The following CSMD1 variants were observed in gnomAD, a reference collection of about 807,000 sequenced individuals.
CSMD1 encodes CUB and sushi domain-containing protein 1.
CSMD1 carries 213 observed loss-of-function variants against 417.5 expected under a neutral mutation model. The observed-to-expected ratio is 0.51, with a 90% CI of 0.46 to 0.57. The LOEUF is 0.57. Among genes scored for constraint, CSMD1 ranks in the 20% least tolerant of loss-of-function variants. CSMD1 has a pLI of 0.00. For synonymous variants in CSMD1, 2,862 were observed against 1,736.8 expected, an observed-to-expected ratio of 1.65 and a Z score of -16.11; for missense variants, 6,923 against 4,529.7, an observed-to-expected ratio of 1.53 and a Z score of -15.17.
intron 6 of CSMD1, among the ~76,000 whole-genome samples, chr8:3,722,900 G>A (rs577423990): frequency 6.8e-4 from 78 of 114,218 alleles, no homozygotes; most frequent in Middle Eastern, 9.8e-3. Context: ...TTACTTGAGA[G>A]ACTAGCAAAC....
intron 7 of CSMD1, among the ~76,000 whole-genome samples, chr8:3,656,477 C>T (rs1400686051): frequency 2.0e-5 from 3 of 152,146 alleles, no homozygotes; most frequent in African/African-American, 7.2e-5. Flanking sequence ...CAGAAATCTG[C>T]ATCTGAAGCA....
intron 2 of CSMD1, among the ~76,000 whole-genome samples, chr8:4,429,098 T>G (rs1797725455): frequency 6.6e-6 from 1 of 151,888 alleles, no homozygotes; most frequent in Admixed American, 6.6e-5. Flanking sequence ...CATCATAAAA[T>G]GATTACTACT....
chr8:3,736,221 G>C (rs1006498551), intron 6 of CSMD1, among the ~76,000 whole-genome samples: 2 of 151,798 alleles, frequency 1.3e-5, no homozygotes, highest in Non-Finnish European at 2.9e-5. Context: ...CTCAACATTT[G>C]TGTGTGTGTG....
At chr8:3,299,613 CAA>C (rs1335938922) in intron 25 of CSMD1, among the ~76,000 whole-genome samples, 1 of 152,020 alleles carries the variant, frequency 6.6e-6, no homozygotes, top group African/African-American at 2.4e-5. Context: ...TTCTGCCTCA[CAA>C]AGTGTGGGAA....
At chr8:4,327,685 T>C (rs899985737) in intron 3 of CSMD1, among the ~76,000 whole-genome samples, 6 of 152,206 alleles carry the variant, frequency 3.9e-5, no homozygotes, top group African/African-American at 1.4e-4. Flanking sequence ...AGAATGTATT[T>C]TGTTTACACA....
At chr8:4,852,689 A>T (rs1801547640) in intron 1 of CSMD1, among the ~76,000 whole-genome samples, 1 of 152,200 alleles carries the variant, frequency 6.6e-6, no homozygotes. Flanking sequence ...TCAAAAGACG[A>T]CAGGAAGATG....
In CSMD1 at chr8:3,181,144, A is replaced by G; in HGVS notation, c.5691T>C (p.Ser1897=). 6.2e-7 allele frequency: 1 copy of G among 1,613,892 alleles called. No individual in the cohort carries two copies. The highest frequency in any genetic ancestry group is 8.5e-7 in the Non-Finnish European group (1 of 1,179,826). Residue 1897 remains serine, a synonymous_variant, in exon 37 of 70, where the codon AGT becomes AGC. Transcript: ENST00000635120. ...QLYLHFQSDI[S]VAAAGFHLEY... The stretch of plus-strand genomic sequence containing the variant: ...CCAGGTGGAAACCAGCAGCTGCCAC[A>G]CTAATGTCAGACTGGAAATGCAGGT...
intron 3 of CSMD1, among the ~76,000 whole-genome samples, chr8:4,322,171 G>A (rs1037276152): frequency 2.0e-5 from 3 of 152,030 alleles, no homozygotes; most frequent in South Asian, 2.1e-4. Flanking sequence ...ATTGCTAAAA[G>A]TTTCCTATTT....
At chr8:3,619,181 C>G (rs925092308) in intron 7 of CSMD1, among the ~76,000 whole-genome samples, 1 of 151,974 alleles carries the variant, frequency 6.6e-6, no homozygotes, top group Admixed American at 6.6e-5. Flanking sequence ...TTAAAAGCAG[C>G]TGGGGAAAAA....
At chr8:4,793,162 A>G (rs530486396) in intron 1 of CSMD1, among the ~76,000 whole-genome samples, 24 of 152,222 alleles carry the variant, frequency 1.6e-4, no homozygotes, top group African/African-American at 5.5e-4. Context: ...TTTAACCTTC[A>G]ATGTCCTTGA....
chr8:3,867,402 T>G (rs1805178207), intron 5 of CSMD1, among the ~76,000 whole-genome samples: 1 of 152,168 alleles, frequency 6.6e-6, no homozygotes, highest in African/African-American at 2.4e-5. Context: ...TTCTTTTCTT[T>G]TAAGGATACT....
rs79102889 is a variant in CSMD1 at position 4,114,102 on chromosome 8, T to C, written c.416-82003A>G. Among the ~76,000 whole-genome samples the C allele has an allele frequency of 9.8e-3, 1,487 of 152,326 alleles. 17 individuals are homozygous for C. Among genetic ancestry groups the C allele is most frequent in the African/African-American group, 0.033 (1,369 of 41,560 alleles). ...AAAACAGCCTTATGTAGGAAGAAGA[T>C]GCCATCTAGGACTTTCATAGGAGGA... On this transcript the variant is annotated intron_variant, in intron 3 of 69. Transcript: ENST00000635120.
intron 6 of CSMD1, among the ~76,000 whole-genome samples, chr8:3,727,605 C>T (rs898156371): frequency 7.9e-5 from 12 of 152,142 alleles, no homozygotes; most frequent in Admixed American, 4.6e-4. Flanking sequence ...TACTGCAATT[C>T]GACTTTTGCG....
At chr8:3,794,512 G>C (rs1462185349) in intron 5 of CSMD1, among the ~76,000 whole-genome samples, 1 of 151,998 alleles carries the variant, frequency 6.6e-6, no homozygotes, top group Non-Finnish European at 1.5e-5. Context: ...ACATTGTATT[G>C]TGTGTTATAA....
At chr8:3,508,438 A>C (rs1796926197) in intron 10 of CSMD1, among the ~76,000 whole-genome samples, 1 of 151,984 alleles carries the variant, frequency 6.6e-6, no homozygotes, top group Non-Finnish European at 1.5e-5. Context: ...GCACACCAAC[A>C]TGGCACATGT....
At chr8:4,425,631 G>T (rs1154048) in intron 2 of CSMD1, among the ~76,000 whole-genome samples, 1 of 151,986 alleles carries the variant, frequency 6.6e-6, no homozygotes, top group Non-Finnish European at 1.5e-5. Context: ...GGGCCCTTGC[G>T]ATACATTTTA....
intron 43 of CSMD1, among the ~76,000 whole-genome samples, chr8:3,109,146 T>C (rs1816341440): frequency 6.6e-6 from 1 of 152,122 alleles, no homozygotes; most frequent in African/African-American, 2.4e-5. Flanking sequence ...GCACTTGTAG[T>C]CCCAGCTACT....
intron 12 of CSMD1, among the ~76,000 whole-genome samples, chr8:3,463,436 G>C (rs1475474437): frequency 6.6e-6 from 1 of 152,234 alleles, no homozygotes; most frequent in Non-Finnish European, 1.5e-5. Context: ...AGTCAACTGA[G>C]CATTCCCACA....
At chr8:4,859,509 C>T (rs189865057) in intron 1 of CSMD1, among the ~76,000 whole-genome samples, 2 of 152,284 alleles carry the variant, frequency 1.3e-5, no homozygotes, top group Non-Finnish European at 2.9e-5. Context: ...GCAACCTACT[C>T]ATCTGACCAA....
Sources: gnomAD v4.1 joint callset for allele counts (sites outside exome capture counted in the v4.1 genomes callset) on GRCh38, gnomAD v4.1.1 for gene constraint, MANE v1.5 for transcripts, NCBI Gene and HGNC (gene_info 2026-07-23, HGNC 2026-07-21) for gene names.